KIDINS220: variants seen among roughly 807,000 people sequenced by gnomAD.
KIDINS220 encodes kinase D interacting substrate 220, also known as kinase D-interacting substrate of 220 kDa.
Under a neutral mutation model 157.6 loss-of-function variants are expected in KIDINS220, and 63 were observed. The ratio of observed to expected loss-of-function variants is 0.40; its 90% CI spans 0.33 to 0.49. The LOEUF is 0.49. Ranked by LOEUF, KIDINS220 falls within the 20% of genes least tolerant of loss-of-function variation. The pLI, the probability that KIDINS220 is intolerant of heterozygous loss-of-function variation, is 0.66. For missense variants in KIDINS220, 1,772 were observed against 2,171.2 expected, an observed-to-expected ratio of 0.82 and a Z score of 3.65; for synonymous variants, 732 against 783.6, an observed-to-expected ratio of 0.93 and a Z score of 1.10.
chr2:8,826,941 A>G (rs372995976), intron 2 of KIDINS220, 45 bp downstream of exon 2: 4 of 1,114,624 alleles, frequency 3.6e-6, no homozygotes, highest in Non-Finnish European at 5.5e-6. Flanking sequence ...GCAGGCAGTC[A>G]ACAAATATTT....
chr2:8,744,421 T>A (rs1373027655), intron 26 of KIDINS220, among the ~76,000 whole-genome samples: 4 of 97,298 alleles, frequency 4.1e-5, no homozygotes, highest in African/African-American at 1.7e-4. Context: ...TATATATATA[T>A]ATATATATAT....
chr2:8,774,475 C>T (rs905799001), intron 21 of KIDINS220, among the ~76,000 whole-genome samples: 1 of 151,842 alleles, frequency 6.6e-6, no homozygotes, highest in African/African-American at 2.4e-5. Context: ...GAACAGGTAA[C>T]GCAAAGCATA....
chr2:8,796,774 A>G lies in KIDINS220; in HGVS notation c.1095T>C (p.Asp365=). 1 of 1,611,932 alleles carries G rather than the reference A, an allele frequency of 6.2e-7. No individual in the cohort carries two copies. The highest frequency in any genetic ancestry group is 8.5e-7 in the Non-Finnish European group (1 of 1,177,978). ...LDKGAKVSAV[D]KKGDTPLHIA... ...TCTCTCCGCACAGATGTTTTACCTT[A>G]TCTACAGCAGACACTTTAGCACCTT... Residue 365 remains aspartate (D), a synonymous_variant, in exon 11 of 30, where the codon GAT becomes GAC. Transcript: ENST00000256707.
intron 11 of KIDINS220, 143 bp from the exon 12 acceptor site, chr2:8,794,130 T>TA (rs1200090083): frequency 3.6e-6 from 2 of 557,278 alleles, no homozygotes; most frequent in Admixed American, 3.7e-5. Context: ...TATGAATTTT[T>TA]ATCTCTATCT....
rs540167184 is a variant in KIDINS220, at chr2:8,775,827, C to T, written c.2848+921G>A. Reference sequence around the variant, plus strand: ...ATTTTCGAGTGAGAGGGAAGGCCATCTCCTGTTTACAGTCTTGTTTTCATG... The same window carrying T: ...ATTTTCGAGTGAGAGGGAAGGCCATTTCCTGTTTACAGTCTTGTTTTCATG... On this transcript the variant is annotated intron_variant, in intron 21 of 29. Coordinates refer to ENST00000256707, the MANE Select transcript of KIDINS220 (RefSeq NM_020738.4). 2.6e-5 allele frequency among the ~76,000 whole-genome samples: 4 copies of T among 152,244 alleles called. No individual in the cohort carries two copies. The South Asian group carries it at 8.3e-4, about 32-fold the overall frequency.
At chr2:8,725,156 T>C (rs975387085), downstream of KIDINS220, 1 of 152,214 alleles carries the variant, frequency 6.6e-6, no homozygotes, top group Non-Finnish European at 1.5e-5. Context: ...ACTTAAAATA[T>C]AAATTAACTT....
At position 8,729,029 on chromosome 2, in the gene KIDINS220, G is replaced by C. The variant is rs893298804; in HGVS notation, c.*1691C>G. On this transcript the variant is annotated 3_prime_UTR_variant, in exon 30 of 30. Coordinates refer to ENST00000256707, the MANE Select transcript of KIDINS220 (RefSeq NM_020738.4). ...AAAGAATGTACTCCAATGATATTACGCGGCAACTACTCACCTGAAAAAGAA... is the reference window on the plus strand; with the variant it reads ...AAAGAATGTACTCCAATGATATTACCCGGCAACTACTCACCTGAAAAAGAA... 1.0e-6 allele frequency: 1 copy of C among 981,926 alleles called. No homozygotes were observed. The allele number at this position is 981,926 out of a possible 1,614,324, so 60.8% of individuals were successfully genotyped here.
At chr2:8,740,192 G>A (rs980517005) in intron 26 of KIDINS220, 17 of 982,690 alleles carry the variant, frequency 1.7e-5, no homozygotes, top group African/African-American at 3.5e-5. Flanking sequence ...CAGCTTTAAG[G>A]AAGGAATAAA....
At chr2:8,744,381 AAAAAAAAATATATATATATAATATATAT>A (rs1458748026) in intron 26 of KIDINS220, among the ~76,000 whole-genome samples, 437 of 36,436 alleles carry the variant, frequency 0.012, 14 homozygotes, top group Middle Eastern at 0.031. Flanking sequence ...AAAAAAAAAA[AAAAAAAAATATATATATATAATATATAT>A]ATATATATAT....
chr2:8,763,835 A>T (rs530458008), intron 22 of KIDINS220, among the ~76,000 whole-genome samples: 1 of 152,180 alleles, frequency 6.6e-6, no homozygotes, highest in Admixed American at 6.5e-5. Flanking sequence ...CAGTATGGAG[A>T]TTTCCTCAAA....
intron 15 of KIDINS220, among the ~76,000 whole-genome samples, chr2:8,788,417 C>T (rs56914276): frequency 0.013 from 2,052 of 152,088 alleles, 51 homozygotes; most frequent in African/African-American, 0.047. Context: ...TACAGGCATG[C>T]GCCATGACGC....
Position 8,729,491 on chromosome 2 carries a change from A to C in KIDINS220, c.*1229T>G. 2.0e-6 allele frequency: 2 copies of C among 985,278 alleles called. No individual in the cohort carries two copies. The highest frequency in any genetic ancestry group is 2.4e-6 in the Non-Finnish European group (2 of 829,766). The allele number at this position is 985,278 out of a possible 1,614,324, so 61.0% of individuals were successfully genotyped here. On this transcript the variant is annotated 3_prime_UTR_variant, in exon 30 of 30. Coordinates refer to ENST00000256707, the MANE Select transcript of KIDINS220 (RefSeq NM_020738.4). ...ATTTCATTGCATGATGACAGGGTACATTTCTAGTCCACACAGTACTTCAAT... is the reference window on the plus strand; with the variant it reads ...ATTTCATTGCATGATGACAGGGTACCTTTCTAGTCCACACAGTACTTCAAT...
At chr2:8,828,027 CTT>C (rs1295965558) in intron 1 of KIDINS220, among the ~76,000 whole-genome samples, 1 of 152,094 alleles carries the variant, frequency 6.6e-6, no homozygotes, top group African/African-American at 2.4e-5. Flanking sequence ...AGCATGGCCT[CTT>C]TTATTCAAAG....
At chr2:8,770,442 AC>A (rs1248101097) in intron 22 of KIDINS220, among the ~76,000 whole-genome samples, 6 of 152,060 alleles carry the variant, frequency 3.9e-5, no homozygotes, top group Non-Finnish European at 8.8e-5. Flanking sequence ...AACTTTATAT[AC>A]CTGAAAAAGG....
intron 10 of KIDINS220, 121 bp from the exon 11 acceptor site, chr2:8,796,990 A>G: frequency 2.7e-6 from 2 of 744,688 alleles, no homozygotes; most frequent in Non-Finnish European, 4.7e-6. Flanking sequence ...AAACCCTCTC[A>G]AGAAAACATA....
chr2:8,741,332 C>T lies in KIDINS220; in HGVS notation c.3586-4333G>A, dbSNP rs374117136. Among the ~76,000 whole-genome samples, 12 of 152,310 alleles carry T rather than the reference C, an allele frequency of 7.9e-5. No homozygotes were observed. The South Asian group carries it at 1.4e-3, about 18-fold the overall frequency. Reference sequence around the variant, plus strand: ...CCTGTAATCCCAACACTTTGGGAGGCCACAGTGGTGGATGACTTGAGGTCA... The same window carrying T: ...CCTGTAATCCCAACACTTTGGGAGGTCACAGTGGTGGATGACTTGAGGTCA... On this transcript the variant is annotated intron_variant, in intron 26 of 29. Transcript: ENST00000256707.
At chr2:8,836,898 A>T (rs750923592) in intron 1 of KIDINS220, among the ~76,000 whole-genome samples, 6 of 152,212 alleles carry the variant, frequency 3.9e-5, no homozygotes, top group Admixed American at 1.3e-4. Flanking sequence ...AAAGAATAAA[A>T]ATTCCAACAT....
At position 8,738,208 on chromosome 2, in the gene KIDINS220, TA is replaced by T. The variant is rs1193851358; in HGVS notation, c.3586-1210del. ...AAATAATTGAAAAAAGTGAATTAAT[TA>T]GGAAGCAGAGACAGCTTTTCTTTAC... On this transcript the variant is annotated intron_variant, in intron 26 of 29. Transcript: ENST00000256707. Among the ~76,000 whole-genome samples the T allele has an allele frequency of 2.6e-5, 4 of 152,278 alleles. No homozygotes were observed. The East Asian group carries it at 5.8e-4, about 22-fold the overall frequency.
intron 2 of KIDINS220, among the ~76,000 whole-genome samples, chr2:8,819,375 A>G (rs935191978): frequency 4.6e-5 from 7 of 152,202 alleles, no homozygotes; most frequent in African/African-American, 1.7e-4. Flanking sequence ...TCACAGGAGT[A>G]CAGAGACGAT....
Sources: allele counts gnomAD v4.1 joint callset (sites outside exome capture counted in the v4.1 genomes callset), GRCh38; gene constraint gnomAD v4.1.1; transcripts MANE v1.5; gene names NCBI Gene and HGNC (gene_info 2026-07-23, HGNC 2026-07-21).